The following WASHC4 variants were observed in gnomAD, a reference collection of about 807,000 sequenced individuals.
WASHC4 encodes the protein WASH complex subunit 4.
In WASHC4, 86 loss-of-function variants were observed where a neutral mutation model predicts 166.6. The observed-to-expected ratio is 0.52, with a 90% CI of 0.43 to 0.62. The LOEUF (loss-of-function observed/expected upper bound fraction) is 0.62. Ranked by LOEUF, WASHC4 falls within the 20% of genes least tolerant of loss-of-function variation. WASHC4 has a pLI of 0.00. For missense variants in WASHC4, 1,262 were observed against 1,382.4 expected, an observed-to-expected ratio of 0.91 and a Z score of 1.38; for synonymous variants, 446 against 451.6, an observed-to-expected ratio of 0.99 and a Z score of 0.16.
At chr12:105,165,697 C>T (rs191478548) in intron 32 of WASHC4, among the ~76,000 whole-genome samples, 16 of 152,160 alleles carry the variant, frequency 1.1e-4, no homozygotes, top group African/African-American at 3.9e-4. Context: ...ATTGGGTAGA[C>T]CACTTACGTG....
At chr12:105,117,300 C>T (rs1404380816) in intron 6 of WASHC4, among the ~76,000 whole-genome samples, 1 of 152,126 alleles carries the variant, frequency 6.6e-6, no homozygotes, top group Non-Finnish European at 1.5e-5. Flanking sequence ...GGCAGCCTTT[C>T]AGTGTCATGT....
chr12:105,107,998 C>A, intron 1 of WASHC4, 137 bp downstream of exon 1: 1 of 687,090 alleles, frequency 1.5e-6, no homozygotes, highest in South Asian at 1.6e-5. Context: ...TTGGGGTGTG[C>A]GAGGGACGCG....
intron 4 of WASHC4, 114 bp from the exon 5 acceptor site, chr12:105,115,070 G>A (rs1013745180): frequency 1.6e-5 from 10 of 616,280 alleles, no homozygotes; most frequent in Non-Finnish European, 3.0e-5. Flanking sequence ...AAATGAATTT[G>A]TATGCAAATG....
At chr12:105,144,969 G>A (rs1423819443) in intron 22 of WASHC4, 97 bp downstream of exon 22, 13 of 1,201,600 alleles carry the variant, frequency 1.1e-5, no homozygotes, top group Non-Finnish European at 1.6e-5. Context: ...GTTAGTATGT[G>A]CTTATTTTTT....
intron 13 of WASHC4, among the ~76,000 whole-genome samples, chr12:105,130,382 G>C (rs922944495): frequency 2.0e-5 from 3 of 152,196 alleles, no homozygotes; most frequent in Non-Finnish European, 2.9e-5. Context: ...AGATCTGTGG[G>C]AAGTGAGTCT....
chr12:105,128,514 A>T (rs1330529859), intron 13 of WASHC4, among the ~76,000 whole-genome samples: 6 of 152,220 alleles, frequency 3.9e-5, no homozygotes, highest in African/African-American at 1.4e-4. Context: ...CAGGTTGTGG[A>T]AACTAGTTAG....
intron 24 of WASHC4, chr12:105,148,485 A>G (rs1418312906): frequency 1.0e-6 from 1 of 985,182 alleles, no homozygotes; most frequent in African/African-American, 1.7e-5. Context: ...ACACTAATGA[A>G]TGTAGATTAC....
intron 14 of WASHC4, 26 bp from the exon 15 acceptor site, chr12:105,137,860 A>G: frequency 6.3e-7 from 1 of 1,581,930 alleles, no homozygotes; most frequent in Non-Finnish European, 8.7e-7. Flanking sequence ...TTTCCTTGTG[A>G]TTATAATCAA....
chr12:105,137,772 T>A, intron 14 of WASHC4, 114 bp from the exon 15 acceptor site: 2 of 849,548 alleles, frequency 2.4e-6, no homozygotes, highest in Non-Finnish European at 3.7e-6. Context: ...GGCTTTAAGA[T>A]GAACTTTAGA....
At chr12:105,123,287 T>G (rs767921502) in intron 10 of WASHC4, among the ~76,000 whole-genome samples, 1 of 152,090 alleles carries the variant, frequency 6.6e-6, no homozygotes, top group Non-Finnish European at 1.5e-5. Flanking sequence ...GCACTCCAGC[T>G]TGGGCGACGA....
At chr12:105,144,052 T>G (rs541910223) in intron 20 of WASHC4, among the ~76,000 whole-genome samples, 1 of 152,112 alleles carries the variant, frequency 6.6e-6, no homozygotes. Flanking sequence ...TCCATAAATT[T>G]TATGCTTTAA....
chr12:105,147,312 T>A, intron 24 of WASHC4, 166 bp downstream of exon 24: 2 of 623,450 alleles, frequency 3.2e-6, no homozygotes, highest in South Asian at 3.7e-5. Context: ...CCTAAAATTG[T>A]GTTGGATGTG....
At position 105,111,207 on chromosome 12, in the gene WASHC4, T is replaced by G. The variant is rs775845456; in HGVS notation, c.144T>G (p.Ala48=). ...CTCAACTGAGAAGAATTGAGGACGC[T>G]CTGGATGACTCAATTGGAGATGTTT... ...YTSQLRRIED[A]LDDSIGDVWD... Residue 48 remains alanine, a synonymous_variant, in exon 2 of 33, where the codon GCT becomes GCG. Coordinates refer to ENST00000332180, the MANE Select transcript of WASHC4 (RefSeq NM_015275.3). The G allele has an allele frequency of 6.2e-7, 1 of 1,608,178 alleles. No individual in the cohort carries two copies. Among genetic ancestry groups the G allele is most frequent in the Admixed American group, 1.7e-5 (1 of 60,018 alleles).
Position 105,147,071 on chromosome 12 carries a change from G to A in WASHC4, c.2439G>A (p.Lys813=), listed in dbSNP as rs1320076444. 7 of 1,609,330 alleles carry A rather than the reference G, an allele frequency of 4.3e-6. No individual in the cohort carries two copies. Among genetic ancestry groups the A allele is most frequent in the Non-Finnish European group, 6.0e-6 (7 of 1,175,808 alleles). ...TTATTGAACGAACAAGCAATAACAA[G>A]CATTTGAATACTATTAATATTCGGC... ...QIFIERTSNN[K]HLNTINIRHI... Residue 813 remains lysine (K), a synonymous_variant, in exon 24 of 33, where the codon AAG becomes AAA. Coordinates refer to ENST00000332180, the MANE Select transcript of WASHC4 (RefSeq NM_015275.3).
chr12:105,122,075 T>G, intron 9 of WASHC4, 43 bp from the exon 10 acceptor site: 1 of 1,416,296 alleles, frequency 7.1e-7, no homozygotes, highest in Non-Finnish European at 9.8e-7. Context: ...AATTTAAGAA[T>G]TTATTAGGTA....
intron 26 of WASHC4, chr12:105,156,522 A>G: frequency 3.1e-6 from 1 of 320,766 alleles, no homozygotes; most frequent in Non-Finnish European, 5.6e-6. Context: ...TAATATAGTT[A>G]TATATAAGTA....
intron 14 of WASHC4, among the ~76,000 whole-genome samples, chr12:105,137,189 T>C (rs1882404943): frequency 2.0e-5 from 3 of 152,226 alleles, no homozygotes; most frequent in Admixed American, 6.5e-5. Context: ...TTTTCCTTTA[T>C]TCCACTGTTT....
intron 24 of WASHC4, chr12:105,148,781 T>A: frequency 1.0e-6 from 1 of 985,214 alleles, no homozygotes; most frequent in Non-Finnish European, 1.2e-6. Flanking sequence ...TGGAAATGAA[T>A]TTAGGGTTTT....
chr12:105,108,319 A>G (rs545386410), intron 1 of WASHC4, among the ~76,000 whole-genome samples: 2 of 152,174 alleles, frequency 1.3e-5, no homozygotes, highest in Admixed American at 6.5e-5. Context: ...TCCCAAATCA[A>G]CTTTTGCAAG....
Sources: gnomAD v4.1 joint callset for allele counts (sites outside exome capture counted in the v4.1 genomes callset) on GRCh38, gnomAD v4.1.1 for gene constraint, MANE v1.5 for transcripts, NCBI Gene and HGNC (gene_info 2026-07-23, HGNC 2026-07-21) for gene names.